The following SLC35F4 variants were observed in gnomAD, a reference collection of about 807,000 sequenced individuals.
The protein encoded by SLC35F4 is solute carrier family 35 member F4.
Under a neutral mutation model 44.2 loss-of-function variants are expected in SLC35F4, and 24 were observed. That is an observed-to-expected ratio of 0.54 (90% CI 0.39 to 0.76). SLC35F4 has a LOEUF of 0.76. Ranked by LOEUF, SLC35F4 falls within the 30% of genes least tolerant of loss-of-function variation. SLC35F4 has a pLI of 0.00. For synonymous variants in SLC35F4, 238 were observed against 223.6 expected (o/e 1.06, Z -0.57); for missense variants, 562 against 586.1 (o/e 0.96, Z 0.42).
Position 57,978,330 on chromosome 14 carries a change from G to A in SLC35F4, n.152-1373C>T, listed in dbSNP as rs1022155541. On this transcript the variant is annotated intron_variant and non_coding_transcript_variant, in intron 1 of 1. Coordinates refer to the SLC35F4 transcript ENST00000554648. Reference sequence around the variant, plus strand: ...AGACAGCTGTGATCTGTATGTAATAGAATCGACACATACTTTGGATATGGG... The same window carrying A: ...AGACAGCTGTGATCTGTATGTAATAAAATCGACACATACTTTGGATATGGG... 2.0e-5 allele frequency among the ~76,000 whole-genome samples: 3 copies of A among 152,162 alleles called. No individual in the cohort carries two copies. In the East Asian group the frequency reaches 5.8e-4, roughly 29 times the overall value.
At chr14:57,810,634 A>G (rs114767607) in intron 1 of SLC35F4, among the ~76,000 whole-genome samples, 211 of 152,320 alleles carry the variant, frequency 1.4e-3, no homozygotes, top group African/African-American at 4.7e-3. Flanking sequence ...ACAGCTCTCA[A>G]GATTGTCCAT....
At chr14:57,874,702 A>G (rs944074276) in intron 1 of SLC35F4, among the ~76,000 whole-genome samples, 1 of 152,120 alleles carries the variant, frequency 6.6e-6, no homozygotes, top group Non-Finnish European at 1.5e-5. Context: ...TGTGCAATCA[A>G]ATCAAATCTA....
chr14:57,846,110 G>GA lies in SLC35F4; in HGVS notation c.103+19612_103+19613insT, dbSNP rs1432988077. Among the ~76,000 whole-genome samples, 16 of 151,882 alleles carry GA rather than the reference G, an allele frequency of 1.1e-4. No homozygotes were observed. The East Asian group carries it at 2.7e-3, about 26-fold the overall frequency. ...CTCTGAAACAGGTAAGAAAGGAAGG[G>GA]GAAAAAAACACCAAGAGATGTCTTA... is the stretch of plus-strand genomic sequence containing the variant. On this transcript the variant is annotated intron_variant, in intron 1 of 7. Coordinates refer to ENST00000556826, the MANE Select transcript of SLC35F4 (RefSeq NM_001306087.2).
intron 1 of SLC35F4, among the ~76,000 whole-genome samples, chr14:57,852,932 C>A (rs564663496): frequency 8.2e-4 from 125 of 152,168 alleles, no homozygotes; most frequent in Non-Finnish European, 1.4e-3. Context: ...ACCATGAAAC[C>A]ATTACTGACA....
intron 1 of SLC35F4, among the ~76,000 whole-genome samples, chr14:57,979,590 C>T (rs571056900): frequency 7.9e-5 from 12 of 152,272 alleles, no homozygotes; most frequent in African/African-American, 2.9e-4. Context: ...GCATGCACAC[C>T]CCAGGAGTGC....
chr14:57,812,602 T>G (rs537669907), intron 1 of SLC35F4, among the ~76,000 whole-genome samples: 1 of 152,278 alleles, frequency 6.6e-6, no homozygotes, highest in East Asian at 1.9e-4. Flanking sequence ...TCAAGGGTCC[T>G]GGGGCCCAAT....
At chr14:57,981,294 C>T (rs1368397778) in intron 1 of SLC35F4, among the ~76,000 whole-genome samples, 3 of 152,144 alleles carry the variant, frequency 2.0e-5, no homozygotes, top group Non-Finnish European at 4.4e-5. Context: ...AGACTGATAA[C>T]ATTGCTCTGA....
At chr14:57,891,080 C>G (rs1308192063) in intron 1 of SLC35F4, among the ~76,000 whole-genome samples, 1 of 152,104 alleles carries the variant, frequency 6.6e-6, no homozygotes, top group African/African-American at 2.4e-5. Flanking sequence ...TGGACCAAAT[C>G]ACTGATTTCT....
At chr14:57,930,453 G>T (rs564393966) in intron 1 of SLC35F4, among the ~76,000 whole-genome samples, 1 of 152,040 alleles carries the variant, frequency 6.6e-6, no homozygotes, top group Non-Finnish European at 1.5e-5. Context: ...CCACCACCAC[G>T]TGGAAACACC....
At chr14:57,682,762 T>A (rs749838564) in intron 1 of SLC35F4, among the ~76,000 whole-genome samples, 1 of 152,170 alleles carries the variant, frequency 6.6e-6, no homozygotes, top group Non-Finnish European at 1.5e-5. Flanking sequence ...TGAGTCTGAA[T>A]CCTAGTTCCT....
At chr14:57,613,264 T>C (rs1380587490) in intron 1 of SLC35F4, among the ~76,000 whole-genome samples, 1 of 152,200 alleles carries the variant, frequency 6.6e-6, no homozygotes, top group Non-Finnish European at 1.5e-5. Flanking sequence ...TTTAAGCAAA[T>C]CTTACTAGAG....
chr14:57,931,853 G>A (rs1275021106), intron 1 of SLC35F4, among the ~76,000 whole-genome samples: 3 of 152,212 alleles, frequency 2.0e-5, no homozygotes, highest in Admixed American at 6.5e-5. Flanking sequence ...TCAAGCTTGG[G>A]ATAACAAAGT....
chr14:57,663,424 G>A (rs2074203218), intron 1 of SLC35F4, among the ~76,000 whole-genome samples: 2 of 152,090 alleles, frequency 1.3e-5, no homozygotes, highest in Non-Finnish European at 2.9e-5. Flanking sequence ...GCACAGCACT[G>A]ACCTTACCTA....
At chr14:57,602,108 C>T (rs2070857189) in intron 1 of SLC35F4, among the ~76,000 whole-genome samples, 1 of 150,312 alleles carries the variant, frequency 6.7e-6, no homozygotes, top group Non-Finnish European at 1.5e-5. Flanking sequence ...TTCAATAGCA[C>T]AGAAAATAAG....
chr14:57,819,684 G>A (rs1274880602), intron 1 of SLC35F4, among the ~76,000 whole-genome samples: 3 of 151,568 alleles, frequency 2.0e-5, no homozygotes, highest in African/African-American at 7.3e-5. Flanking sequence ...ATGGTGGTGT[G>A]CGTCTGTATT....
At chr14:57,690,510 A>G (rs1225241733) in intron 1 of SLC35F4, among the ~76,000 whole-genome samples, 1 of 152,048 alleles carries the variant, frequency 6.6e-6, no homozygotes, top group African/African-American at 2.4e-5. Context: ...TGGTTTCATG[A>G]AAGACAATTT....
chr14:57,894,153 C>T (rs759385745), intron 1 of SLC35F4, among the ~76,000 whole-genome samples: 1 of 151,880 alleles, frequency 6.6e-6, no homozygotes, highest in Non-Finnish European at 1.5e-5. Context: ...TATAAAAACC[C>T]TATGTTTAGC....
chr14:57,642,091 T>C (rs1056533362), intron 1 of SLC35F4, among the ~76,000 whole-genome samples: 3 of 152,038 alleles, frequency 2.0e-5, no homozygotes, highest in South Asian at 4.1e-4. Flanking sequence ...TAGAGTTTAA[T>C]TGCCTTATTT....
intron 1 of SLC35F4, among the ~76,000 whole-genome samples, chr14:57,851,322 C>T (rs912478981): frequency 4.6e-5 from 7 of 151,986 alleles, no homozygotes; most frequent in African/African-American, 1.2e-4. Flanking sequence ...ATTTTATAGC[C>T]TGTACTTGTG....
Sources: allele counts gnomAD v4.1 joint callset (sites outside exome capture counted in the v4.1 genomes callset), GRCh38; gene constraint gnomAD v4.1.1; transcripts MANE v1.5; gene names NCBI Gene and HGNC (gene_info 2026-07-23, HGNC 2026-07-21).